Variants in FGF14 observed in about 807,000 individuals in gnomAD.
FGF14 encodes the protein fibroblast growth factor homologous factor 4.
Under a neutral mutation model 25.5 loss-of-function variants are expected in FGF14, and 5 were observed. That is an observed-to-expected ratio of 0.20 (90% CI 0.10 to 0.41). The LOEUF is 0.41. Among genes scored for constraint, FGF14 ranks in the 10% least tolerant of loss-of-function variants. FGF14 has a pLI of 1.00. For missense variants in FGF14, 222 were observed against 320.1 expected (o/e 0.69, Z 2.34); for synonymous variants, 138 against 118.3 (o/e 1.17, Z -1.08).
chr13:102,129,174 C>T (rs1252585506), intron 1 of FGF14, among the ~76,000 whole-genome samples: 2 of 152,028 alleles, frequency 1.3e-5, no homozygotes, highest in African/African-American at 2.4e-5. Flanking sequence ...CACTTGAACT[C>T]GGGAAGCAGA....
At chr13:102,007,742 AG>A (rs1491141713) in intron 1 of FGF14, among the ~76,000 whole-genome samples, 1 of 152,192 alleles carries the variant, frequency 6.6e-6, no homozygotes, top group Admixed American at 6.5e-5. Flanking sequence ...AAATAATCAC[AG>A]GGGGTTATTA....
At chr13:102,309,536 T>G (rs890244882) in intron 1 of FGF14, among the ~76,000 whole-genome samples, 1 of 152,204 alleles carries the variant, frequency 6.6e-6, no homozygotes, top group African/African-American at 2.4e-5. Context: ...AGTTGCATTT[T>G]ACTGCCCACA....
At chr13:101,808,618 A>G (rs997086862) in intron 3 of FGF14, among the ~76,000 whole-genome samples, 1 of 152,152 alleles carries the variant, frequency 6.6e-6, no homozygotes, top group Non-Finnish European at 1.5e-5. Context: ...CGTGGTAGCT[A>G]TAACTTGGCC....
Position 101,916,522 on chromosome 13 carries a change from C to CT in FGF14, c.123_124insA (p.Gly42ArgfsTer56). The CT allele has an allele frequency of 6.2e-7, 1 of 1,613,804 alleles. No homozygotes were observed. The highest frequency in any genetic ancestry group is 8.5e-7 in the Non-Finnish European group (1 of 1,179,934). On this transcript the variant is annotated frameshift_variant, in exon 1 of 5. Transcript: ENST00000376143. LOFTEE classifies it high-confidence loss of function. ...TTGGAGAAGATATCCACCAGGTTGCCGTTGCAGAGCCCGCGGTTCTTGCTG... is the reference window on the plus strand; with the variant it reads ...TTGGAGAAGATATCCACCAGGTTGCCTGTTGCAGAGCCCGCGGTTCTTGCTG...
intron 1 of FGF14, among the ~76,000 whole-genome samples, chr13:102,220,694 T>C (rs961227321): frequency 1.1e-4 from 16 of 152,348 alleles, no homozygotes; most frequent in African/African-American, 3.6e-4. Context: ...TAGGTTGCTG[T>C]ACCTTCTCTT....
intron 1 of FGF14, among the ~76,000 whole-genome samples, chr13:102,129,123 A>G (rs907980123): frequency 5.3e-5 from 8 of 151,872 alleles, no homozygotes; most frequent in African/African-American, 1.9e-4. Flanking sequence ...AGTGGAGTGC[A>G]CTTCTGGTCC....
At chr13:102,095,333 G>A (rs546099295) in intron 1 of FGF14, among the ~76,000 whole-genome samples, 22 of 152,150 alleles carry the variant, frequency 1.4e-4, no homozygotes, top group African/African-American at 5.1e-4. Context: ...TTCTGAATCC[G>A]TGCCAGACAG....
chr13:102,313,369 G>A (rs1039413104), intron 1 of FGF14, among the ~76,000 whole-genome samples: 1 of 152,296 alleles, frequency 6.6e-6, no homozygotes, highest in African/African-American at 2.4e-5. Flanking sequence ...AGTCTCACGA[G>A]GTAACATTTA....
intron 1 of FGF14, among the ~76,000 whole-genome samples, chr13:102,153,472 A>C (rs1212033021): frequency 6.6e-6 from 1 of 152,160 alleles, no homozygotes; most frequent in Non-Finnish European, 1.5e-5. Context: ...TATTTTCCAT[A>C]TGCAATAGGA....
At chr13:101,876,985 T>C (rs869803) in intron 1 of FGF14, among the ~76,000 whole-genome samples, 69,228 of 151,946 alleles carry the variant, frequency 0.46, 16,010 homozygotes, top group Middle Eastern at 0.5. Context: ...TTTTTTATTA[T>C]TCTCTTGTCA....
Position 102,311,162 on chromosome 13 carries a change from T to C in FGF14, c.208+90309A>G, listed in dbSNP as rs559476394. Among the ~76,000 whole-genome samples, 4 of 152,202 alleles carry C rather than the reference T, an allele frequency of 2.6e-5. No individual in the cohort carries two copies. The South Asian group carries it at 6.2e-4, about 24-fold the overall frequency. On this transcript the variant is annotated intron_variant, in intron 1 of 4. Coordinates refer to the FGF14 transcript ENST00000376131. The stretch of plus-strand genomic sequence containing the variant: ...ATTCAGCATGGTCCAAGGGAAGAGG[T>C]TATTTCTTAAGGGTGTGAAGAAAGA...
intron 3 of FGF14, among the ~76,000 whole-genome samples, chr13:101,740,912 A>T (rs549007421): frequency 6.6e-6 from 1 of 152,336 alleles, no homozygotes; most frequent in South Asian, 2.1e-4. Flanking sequence ...AGAGCAAATA[A>T]GTTGAAAGAT....
intron 1 of FGF14, among the ~76,000 whole-genome samples, chr13:102,159,099 C>T (rs2047500775): frequency 7.2e-6 from 1 of 138,688 alleles, no homozygotes; most frequent in Non-Finnish European, 1.5e-5. Context: ...AAGATCATGC[C>T]ATTGCACTCC....
chr13:101,849,422 G>A lies in FGF14; in HGVS notation c.408+19303C>T, dbSNP rs1412018693. Among the ~76,000 whole-genome samples, 14 of 152,044 alleles carry A rather than the reference G, an allele frequency of 9.2e-5. No individual in the cohort carries two copies. The East Asian group carries it at 2.5e-3, about 27-fold the overall frequency. ...TCTACCATTAATTTTCATAAACATG[G>A]GCAGCCGCTTGTGCACAAAAAGTAG... On this transcript the variant is annotated intron_variant, in intron 3 of 4. Coordinates refer to ENST00000376143, the MANE Select transcript of FGF14 (RefSeq NM_004115.4).
At chr13:102,327,520 G>A (rs1009137053) in intron 1 of FGF14, among the ~76,000 whole-genome samples, 18 of 152,094 alleles carry the variant, frequency 1.2e-4, no homozygotes, top group African/African-American at 3.4e-4. Flanking sequence ...AACAGAGGGC[G>A]ACTGTACTAC....
intron 3 of FGF14, among the ~76,000 whole-genome samples, chr13:101,727,315 T>TA (rs1171570206): frequency 3.3e-5 from 5 of 152,164 alleles, no homozygotes; most frequent in South Asian, 2.1e-4. Context: ...AACTAAAACT[T>TA]AGACAATCAG....
At chr13:102,010,634 T>G (rs2040029810) in intron 1 of FGF14, among the ~76,000 whole-genome samples, 1 of 152,200 alleles carries the variant, frequency 6.6e-6, no homozygotes, top group African/African-American at 2.4e-5. Flanking sequence ...TTGAGGAGAC[T>G]TAAGTCCAAA....
chr13:102,172,554 G>A (rs1006740511), intron 1 of FGF14, among the ~76,000 whole-genome samples: 1 of 152,020 alleles, frequency 6.6e-6, no homozygotes, highest in Non-Finnish European at 1.5e-5. Flanking sequence ...CTCCTAATAT[G>A]ACTGCACTTA....
intron 1 of FGF14, among the ~76,000 whole-genome samples, chr13:102,188,797 T>G (rs1324415330): frequency 6.6e-6 from 1 of 151,430 alleles, no homozygotes; most frequent in Middle Eastern, 3.4e-3. Flanking sequence ...AAAAATTACC[T>G]GGGCATGGTG....
Sources: allele counts gnomAD v4.1 joint callset (sites outside exome capture counted in the v4.1 genomes callset), GRCh38; gene constraint gnomAD v4.1.1; transcripts MANE v1.5; gene names NCBI Gene and HGNC (gene_info 2026-07-23, HGNC 2026-07-21).